The following NR2C2 variants were observed in gnomAD, a reference collection of about 807,000 sequenced individuals.
The protein encoded by NR2C2 is nuclear receptor subfamily 2 group C member 2, also known as Nuclear hormone receptor TR4.
A neutral mutation model predicts 62.9 loss-of-function variants in NR2C2; 6 were observed. That is an observed-to-expected ratio of 0.10 (90% CI 0.05 to 0.19). The LOEUF (loss-of-function observed/expected upper bound fraction) is 0.19, where lower values mean the gene tolerates loss of function less well. Ranked by LOEUF, NR2C2 falls within the 10% of genes least tolerant of loss-of-function variation. The pLI is 1.00. For missense variants in NR2C2, 479 were observed against 762.7 expected (o/e 0.63, Z 4.38); for synonymous variants, 272 against 273.8 (o/e 0.99, Z 0.07).
chr3:14,988,766 T>G (rs1038348773), intron 1 of NR2C2, among the ~76,000 whole-genome samples: 2 of 152,098 alleles, frequency 1.3e-5, no homozygotes, highest in Non-Finnish European at 1.5e-5. Context: ...TAGATAGCGG[T>G]GCCTGGGTTT....
chr3:15,025,790 G>T (rs1234314414), intron 7 of NR2C2: 1 of 152,130 alleles, frequency 6.6e-6, no homozygotes, highest in Admixed American at 6.5e-5. Flanking sequence ...CATATGTATT[G>T]TTCTGTCTTT....
chr3:14,990,014 G>A (rs2040624826), intron 1 of NR2C2, among the ~76,000 whole-genome samples: 1 of 151,754 alleles, frequency 6.6e-6, no homozygotes, highest in African/African-American at 2.4e-5. Flanking sequence ...GAGGCAGGAG[G>A]ATCACTTGAG....
intron 1 of NR2C2, among the ~76,000 whole-genome samples, chr3:14,989,506 A>C (rs1339029847): frequency 6.6e-6 from 1 of 152,134 alleles, no homozygotes; most frequent in Admixed American, 6.5e-5. Flanking sequence ...ATCTTTAAGA[A>C]TATTAGGGCC....
rs181874468 is a variant in NR2C2 at position 14,987,861 on chromosome 3, C to T, written c.-39-16015C>T. 4.8e-3 allele frequency among the ~76,000 whole-genome samples: 728 copies of T among 152,300 alleles called. 2 individuals carry two copies. Among genetic ancestry groups the T allele is most frequent in the African/African-American group, 0.017 (695 of 41,562 alleles). On this transcript the variant is annotated intron_variant, in intron 1 of 13. Transcript: ENST00000425241. ...GGTTGTAATCACAGTGTGCATATAA[C>T]TTTGTGTCTTGTGTTTTTATAAAAT...
At chr3:14,995,721 T>G (rs1353879179) in intron 1 of NR2C2, among the ~76,000 whole-genome samples, 3 of 144,928 alleles carry the variant, frequency 2.1e-5, no homozygotes, top group African/African-American at 8.1e-5. Context: ...GCTGGTCAAA[T>G]AGTAACTATT....
chr3:15,012,901 C>T (rs2041394773), intron 2 of NR2C2, among the ~76,000 whole-genome samples: 1 of 152,186 alleles, frequency 6.6e-6, no homozygotes. Flanking sequence ...TGAGAACTCC[C>T]AGAGGAATAA....
intron 1 of NR2C2, among the ~76,000 whole-genome samples, chr3:14,963,865 CAGATTTTTA>C: frequency 6.6e-6 from 1 of 152,092 alleles, no homozygotes. Context: ...GCAGATTTTT[CAGATTTTTA>C]GATCAACCAT....
rs1357141683 is a variant in NR2C2 at position 15,047,075 on chromosome 3, C to T, written c.*4067C>T. ...ATGAATGTACATGTGTTTATATCCT[C>T]TCCATATGTACAGTGTATATAGTGT... On this transcript the variant is annotated 3_prime_UTR_variant, in exon 14 of 14. Transcript: ENST00000425241. 6.6e-6 allele frequency: 1 copy of T among 152,650 alleles called. No individual in the cohort carries two copies. Among genetic ancestry groups the T allele is most frequent in the Non-Finnish European group, 1.5e-5 (1 of 68,042 alleles). 9.5% of individuals were successfully genotyped at this position (152,650 alleles called of 1,614,324 possible). A position where few individuals can be genotyped will look rare whatever the true frequency, so the allele number is the denominator to read the frequency against.
Position 15,034,702 on chromosome 3 carries a change from G to C in NR2C2, c.1265G>C (p.Cys422Ser). 1 of 1,614,136 alleles carries C rather than the reference G, an allele frequency of 6.2e-7. No homozygotes were observed. The highest frequency in any genetic ancestry group is 2.2e-5 in the East Asian group (1 of 44,884). Residue 422 changes from cysteine to serine, a missense_variant, in exon 11 of 14, where the codon TGC becomes TCC. Cys to Ser is a moderately radical substitution (Grantham distance 112). Coordinates refer to ENST00000425241, the MANE Select transcript of NR2C2 (RefSeq NM_001291694.2). ...TGCAACACCAGCCTTGTGCGGGCCTGCTGGAATGAGCTCTTCACCCTCGGC... is the reference window on the plus strand; with the variant it reads ...TGCAACACCAGCCTTGTGCGGGCCTCCTGGAATGAGCTCTTCACCCTCGGC... ...QDCNTSLVRA[C>S]WNELFTLGLA...
At chr3:14,948,139 G>A (rs1438023469) in intron 1 of NR2C2, 2 of 152,102 alleles carry the variant, frequency 1.3e-5, no homozygotes, top group Non-Finnish European at 2.9e-5. Context: ...GCCGGCGCAA[G>A]GGTGGGGGTG....
At chr3:14,997,746 A>G (rs2040872504) in intron 1 of NR2C2, among the ~76,000 whole-genome samples, 2 of 152,212 alleles carry the variant, frequency 1.3e-5, no homozygotes, top group Non-Finnish European at 1.5e-5. Context: ...AAAAAAATTT[A>G]ATAGCCCAGT....
At chr3:14,980,162 G>C (rs1275165320) in intron 1 of NR2C2, among the ~76,000 whole-genome samples, 3 of 151,968 alleles carry the variant, frequency 2.0e-5, no homozygotes. Context: ...GGGGTTGGGG[G>C]TGTTAGGGAA....
In NR2C2 at chr3:15,032,426, C is replaced by T. The variant is rs2042003901; in HGVS notation, c.1158C>T (p.Ile386=). ...CAGAGTACCTCAACGTGCACTACAT[C>T]TGTGAGTCTGCATCCCGTCTGCTTT... ...PMPEYLNVHY[I]CESASRLLFL... is the part of the protein sequence containing the mutation. Residue 386 remains isoleucine (I), a synonymous_variant, in exon 10 of 14, where the codon ATC becomes ATT. Transcript: ENST00000425241. 3 of 1,614,112 alleles carry T rather than the reference C, an allele frequency of 1.9e-6. No homozygotes were observed. The highest frequency in any genetic ancestry group is 1.3e-5 in the African/African-American group (1 of 74,930).
At chr3:15,000,072 A>G (rs2040945180) in intron 1 of NR2C2, among the ~76,000 whole-genome samples, 1 of 152,264 alleles carries the variant, frequency 6.6e-6, no homozygotes, top group Admixed American at 6.5e-5. Flanking sequence ...ACAATAGGCT[A>G]TTATTAACTG....
intron 1 of NR2C2, among the ~76,000 whole-genome samples, chr3:14,955,029 C>A (rs892174121): frequency 1.5e-4 from 23 of 152,244 alleles, no homozygotes; most frequent in African/African-American, 5.3e-4. Context: ...CAGGTTTTCA[C>A]CATGTTGCCC....
chr3:15,045,496 T>A lies in NR2C2; in HGVS notation c.*2488T>A. The A allele has an allele frequency of 6.5e-6, 1 of 152,718 alleles. No individual in the cohort carries two copies. The highest frequency in any genetic ancestry group is 1.5e-5 in the Non-Finnish European group (1 of 68,076). 9.5% of individuals were successfully genotyped at this position (152,718 alleles called of 1,614,324 possible). On this transcript the variant is annotated 3_prime_UTR_variant, in exon 14 of 14. Coordinates refer to ENST00000425241, the MANE Select transcript of NR2C2 (RefSeq NM_001291694.2). ...GCTGGTGATGGCTGATTCCAGGGAC[T>A]GTTTTGGGCTTTGAACACCTCTTGG...
At chr3:14,951,778 C>G (rs775704051) in intron 1 of NR2C2, among the ~76,000 whole-genome samples, 1 of 151,648 alleles carries the variant, frequency 6.6e-6, no homozygotes, top group Non-Finnish European at 1.5e-5. Flanking sequence ...TTGGGAGTCT[C>G]GCTCTGTCAC....
chr3:15,000,897 C>G (rs1233655664), intron 1 of NR2C2, among the ~76,000 whole-genome samples: 2 of 149,136 alleles, frequency 1.3e-5, no homozygotes, highest in Non-Finnish European at 3.0e-5. Flanking sequence ...TCACTGCAAG[C>G]TCTGCCTCCC....
intron 1 of NR2C2, among the ~76,000 whole-genome samples, chr3:14,949,618 G>C (rs1274101359): frequency 6.6e-6 from 1 of 152,198 alleles, no homozygotes; most frequent in East Asian, 1.9e-4. Context: ...TTTACTTCCA[G>C]ATTCAAATCC....
Sources: allele counts gnomAD v4.1 joint callset (sites outside exome capture counted in the v4.1 genomes callset), GRCh38; gene constraint gnomAD v4.1.1; transcripts MANE v1.5; gene names NCBI Gene and HGNC (gene_info 2026-07-23, HGNC 2026-07-21).